The following MTREX variants were observed in gnomAD, a reference collection of about 807,000 sequenced individuals.
The protein encoded by MTREX is exosome RNA helicase MTR4.
Under a neutral mutation model 135.4 loss-of-function variants are expected in MTREX, and 76 were observed. The ratio of observed to expected loss-of-function variants is 0.56; its 90% CI spans 0.47 to 0.68. The LOEUF is 0.68. Among genes scored for constraint, MTREX ranks in the 30% least tolerant of loss-of-function variants. The pLI is 0.00. For synonymous variants in MTREX, 404 were observed against 401.6 expected, an observed-to-expected ratio of 1.01 and a Z score of -0.07; for missense variants, 920 against 1,262.1, an observed-to-expected ratio of 0.73 and a Z score of 4.11.
At chr5:55,331,219 T>A (rs1428122639) in intron 5 of MTREX, among the ~76,000 whole-genome samples, 1 of 152,216 alleles carries the variant, frequency 6.6e-6, no homozygotes, top group Non-Finnish European at 1.5e-5. Context: ...TGTGTTTTCC[T>A]GCACCTTGAC....
rs77976551 is a variant in MTREX at position 55,341,845 on chromosome 5, T to C, written c.781+74T>C. ...ATTAGGAATTTTGAGCAAGTTATTG[T>C]TAAACTTTGCTTCTAGTTTTTGTGT... On this transcript the variant is annotated intron_variant, in intron 7 of 26. Coordinates refer to ENST00000230640, the MANE Select transcript of MTREX (RefSeq NM_015360.5). 843 of 745,048 alleles carry C rather than the reference T, an allele frequency of 1.1e-3. 10 individuals are homozygous for C. In the African/African-American group the frequency reaches 0.013, roughly 12 times the overall value. The allele number at this position is 745,048 out of a possible 1,614,324, so 46.2% of individuals were successfully genotyped here. A position where few individuals can be genotyped will look rare whatever the true frequency, so the allele number is the denominator to read the frequency against.
At position 55,335,879 on chromosome 5, in the gene MTREX, G is replaced by A. The variant is rs570855265; in HGVS notation, c.516-4131G>A. On this transcript the variant is annotated intron_variant, in intron 5 of 26. Coordinates refer to ENST00000230640, the MANE Select transcript of MTREX (RefSeq NM_015360.5). The stretch of plus-strand genomic sequence containing the variant: ...TCATTGTAACAATATTGACTCAATC[G>A]ATGAAAATGATGTATTTCTCCATTA... Among the ~76,000 whole-genome samples, 27 of 152,154 alleles carry A rather than the reference G, an allele frequency of 1.8e-4. No individual in the cohort carries two copies. In the South Asian group the frequency reaches 5.2e-3, roughly 29 times the overall value.
intron 16 of MTREX, among the ~76,000 whole-genome samples, chr5:55,367,143 T>G (rs1165016535): frequency 1.3e-5 from 2 of 152,184 alleles, no homozygotes; most frequent in African/African-American, 4.8e-5. Flanking sequence ...CTCATGGTCC[T>G]GAATAATGAA....
chr5:55,377,738 T>C (rs911784539), intron 16 of MTREX, among the ~76,000 whole-genome samples: 7 of 152,170 alleles, frequency 4.6e-5, no homozygotes, highest in Non-Finnish European at 1.5e-5. Flanking sequence ...ATAACTCCCA[T>C]AGCCTTTGTT....
intron 16 of MTREX, among the ~76,000 whole-genome samples, chr5:55,373,295 G>GT (rs146961386): frequency 0.13 from 19,464 of 150,674 alleles, 1,501 homozygotes; most frequent in East Asian, 0.26. Flanking sequence ...GCTTTCTTGG[G>GT]TTTTTTTACT....
At chr5:55,409,562 A>T (rs1750855286) in intron 22 of MTREX, among the ~76,000 whole-genome samples, 1 of 152,190 alleles carries the variant, frequency 6.6e-6, no homozygotes, top group Non-Finnish European at 1.5e-5. Flanking sequence ...TGTATATGAA[A>T]ATGTTTCACA....
chr5:55,343,303 G>A (rs373463657), intron 7 of MTREX, 28 bp from the exon 8 acceptor site: 1 of 1,586,218 alleles, frequency 6.3e-7, no homozygotes, highest in African/African-American at 1.4e-5. Flanking sequence ...TCCAACTATA[G>A]TCCAAAGTAT....
chr5:55,308,189 G>A, intron 1 of MTREX, 42 bp downstream of exon 1: 1 of 1,542,564 alleles, frequency 6.5e-7, no homozygotes, highest in South Asian at 1.2e-5. Context: ...TTTTTTTCTC[G>A]GTGGGGAGGA....
intron 2 of MTREX, 75 bp from the exon 3 acceptor site, chr5:55,324,057 G>C: frequency 9.6e-7 from 1 of 1,036,776 alleles, no homozygotes; most frequent in African/African-American, 1.6e-5. Context: ...TTCCTTAACA[G>C]TGCAATGTGA....
At chr5:55,389,668 A>T (rs13183759) in intron 19 of MTREX, among the ~76,000 whole-genome samples, 1 of 152,090 alleles carries the variant, frequency 6.6e-6, no homozygotes, top group Non-Finnish European at 1.5e-5. Context: ...ACCTTTACAG[A>T]CAAGAATTAT....
intron 18 of MTREX, 95 bp downstream of exon 18, chr5:55,379,290 C>A: frequency 1.4e-6 from 1 of 690,250 alleles, no homozygotes; most frequent in Non-Finnish European, 2.4e-6. Context: ...ATAATATTAC[C>A]TGAAGAGAAG....
chr5:55,392,590 T>C (rs1579889738), intron 19 of MTREX, among the ~76,000 whole-genome samples: 1 of 151,794 alleles, frequency 6.6e-6, no homozygotes, highest in African/African-American at 2.4e-5. Flanking sequence ...TTAGAGGCTT[T>C]GTATGCATAT....
At chr5:55,344,667 T>G in intron 9 of MTREX, 47 bp downstream of exon 9, 2 of 1,064,958 alleles carry the variant, frequency 1.9e-6, no homozygotes, top group Non-Finnish European at 2.8e-6. Context: ...CATACTTTAT[T>G]ATTAATATCT....
chr5:55,371,199 C>A (rs952560712), intron 16 of MTREX, among the ~76,000 whole-genome samples: 1 of 152,162 alleles, frequency 6.6e-6, no homozygotes, highest in African/African-American at 2.4e-5. Flanking sequence ...ATATCCAGTA[C>A]ATTCAAGTTC....
intron 16 of MTREX, among the ~76,000 whole-genome samples, chr5:55,377,207 G>A (rs1399337073): frequency 3.3e-5 from 5 of 152,058 alleles, no homozygotes; most frequent in African/African-American, 1.2e-4. Flanking sequence ...GGCGCCTGTA[G>A]TCCCAGCTAC....
At chr5:55,311,996 A>G (rs1174157553) in intron 1 of MTREX, among the ~76,000 whole-genome samples, 1 of 152,148 alleles carries the variant, frequency 6.6e-6, no homozygotes, top group Non-Finnish European at 1.5e-5. Context: ...TCATTACATC[A>G]TAATGTCTGA....
intron 21 of MTREX, among the ~76,000 whole-genome samples, chr5:55,402,986 C>G (rs1020113552): frequency 1.3e-5 from 2 of 150,970 alleles, no homozygotes; most frequent in African/African-American, 4.9e-5. Flanking sequence ...CACTTGAAGC[C>G]CAGAAGTTTG....
At chr5:55,348,013 C>T (rs1469843479) in intron 11 of MTREX, among the ~76,000 whole-genome samples, 1 of 152,168 alleles carries the variant, frequency 6.6e-6, no homozygotes, top group Non-Finnish European at 1.5e-5. Flanking sequence ...TCTACTGGGT[C>T]CCTCCCACAA....
intron 5 of MTREX, among the ~76,000 whole-genome samples, chr5:55,336,261 A>G (rs1204955342): frequency 1.3e-5 from 2 of 152,146 alleles, no homozygotes; most frequent in African/African-American, 4.8e-5. Context: ...AACGTTGGAT[A>G]GTACTGAGAG....
Sources: gnomAD v4.1 joint callset for allele counts (sites outside exome capture counted in the v4.1 genomes callset) on GRCh38, gnomAD v4.1.1 for gene constraint, MANE v1.5 for transcripts, NCBI Gene and HGNC (gene_info 2026-07-23, HGNC 2026-07-21) for gene names.